Variants in KDM2B observed in about 807,000 individuals in gnomAD.
KDM2B encodes lysine demethylase 2B.
Under a neutral mutation model 150.0 loss-of-function variants are expected in KDM2B, and 26 were observed. The observed-to-expected ratio is 0.17, with a 90% confidence interval of 0.13 to 0.24. The LOEUF (loss-of-function observed/expected upper bound fraction) is 0.24. Ranked by LOEUF, KDM2B falls within the 10% of genes least tolerant of loss-of-function variation. The probability of loss-of-function intolerance (pLI) is 1.00; values close to 1 mark genes in which losing one functional copy is unlikely to be tolerated. For missense variants in KDM2B, 1,265 were observed against 1,816.9 expected, an observed-to-expected ratio of 0.70 and a Z score of 5.52; for synonymous variants, 734 against 729.5, an observed-to-expected ratio of 1.01 and a Z score of -0.10.
At chr12:121,556,057 G>C (rs782360599) in intron 4 of KDM2B, among the ~76,000 whole-genome samples, 1 of 151,944 alleles carries the variant, frequency 6.6e-6, no homozygotes, top group Non-Finnish European at 1.5e-5. Context: ...CTCCCGAGTA[G>C]CTGGGACTAC....
intron 10 of KDM2B, among the ~76,000 whole-genome samples, chr12:121,510,303 T>C (rs1365785617): frequency 1.3e-5 from 2 of 152,184 alleles, no homozygotes; most frequent in African/African-American, 4.8e-5. Flanking sequence ...ATAAAGACAG[T>C]CTTGCTCAGT....
chr12:121,549,845 TCCA>T lies in KDM2B; in HGVS notation c.398-210_398-208del, dbSNP rs879955054. Among the ~76,000 whole-genome samples, 7,360 of 152,228 alleles carry T rather than the reference TCCA, an allele frequency of 0.048. 312 individuals carry two copies. The highest frequency in any genetic ancestry group is 0.15 in the South Asian group (700 of 4,820). The stretch of plus-strand genomic sequence containing the variant: ...CTTGCTTCCCTGCACCACCATGGCC[TCCA>T]CGCCAGTCTGCGATGACCTCAAAAG... On this transcript the variant is annotated intron_variant, in intron 4 of 22. Transcript: ENST00000377071. The surrounding 1 kb of genome is among the most constrained non-coding windows in gnomAD (Gnocchi z 4.4).
chr12:121,580,263 A>G (rs1450088549), intron 1 of KDM2B: 65 of 943,024 alleles, frequency 6.9e-5, no homozygotes, highest in African/African-American at 5.3e-4. Flanking sequence ...GGGGGGGGGG[A>G]GGCGTCGACG....
chr12:121,556,825 C>A (rs1443762592), intron 4 of KDM2B, among the ~76,000 whole-genome samples: 1 of 151,120 alleles, frequency 6.6e-6, no homozygotes, highest in Non-Finnish European at 1.5e-5. Context: ...GCACTCCAAC[C>A]TGGGCGACAG....
intron 22 of KDM2B, among the ~76,000 whole-genome samples, chr12:121,431,007 G>A (rs1872903689): frequency 6.6e-6 from 1 of 152,156 alleles, no homozygotes; most frequent in South Asian, 2.1e-4. Context: ...ACAGCATGAG[G>A]GACAGCTGTT....
At position 121,579,530 on chromosome 12, in the gene KDM2B, TG is replaced by T. The variant is rs1399808231; in HGVS notation, c.127-585del. 8 of 923,050 alleles carry T rather than the reference TG, an allele frequency of 8.7e-6. No individual in the cohort carries two copies. The African/African-American group carries it at 9.5e-5, about 11-fold the overall frequency. 57.2% of individuals were successfully genotyped at this position (923,050 alleles called of 1,614,324 possible). A position where few individuals can be genotyped will look rare whatever the true frequency, so the allele number is the denominator to read the frequency against. On this transcript the variant is annotated intron_variant, in intron 1 of 22. Transcript: ENST00000377071. ...CGCCCGCCAGTGCAAGAAGAGGAGG[TG>T]GGGGGAGGAGAATCGGGGCTTGGAA...
rs782231111 is a variant in KDM2B, at chr12:121,430,423, A to G, written c.3876T>C (p.Cys1292=). ...TDQCLSFFKR[C]GNICHIDLRY... The stretch of plus-strand genomic sequence containing the variant: ...TCAGGTCAATATGACAGATGTTTCC[A>G]CAGCGTTTGAAGAAGGACAGGCACT... The change falls in exon 23 of 23, where the codon TGT becomes TGC. Residue 1292 remains cysteine (C), a synonymous_variant. Transcript: ENST00000377071. The surrounding 1 kb of genome is among the most constrained non-coding windows in gnomAD (Gnocchi z 4.4). 3.1e-6 allele frequency: 5 copies of G among 1,614,044 alleles called. No individual in the cohort carries two copies. The Admixed American group carries it at 8.3e-5, about 27-fold the overall frequency.
chr12:121,463,315 C>CAA (rs201614427), intron 12 of KDM2B, among the ~76,000 whole-genome samples: 1 of 125,434 alleles, frequency 8.0e-6, no homozygotes, highest in East Asian at 2.3e-4. Context: ...GACTCCGTCT[C>CAA]AAAAAAAAAA....
chr12:121,510,618 C>A (rs1272719214), intron 10 of KDM2B, among the ~76,000 whole-genome samples: 1 of 151,898 alleles, frequency 6.6e-6, no homozygotes, highest in Non-Finnish European at 1.5e-5. Flanking sequence ...CACAGTGAAA[C>A]CCCATCTCTA....
intron 12 of KDM2B, among the ~76,000 whole-genome samples, chr12:121,464,822 G>A (rs1555294458): frequency 6.6e-6 from 1 of 152,212 alleles, no homozygotes; most frequent in Non-Finnish European, 1.5e-5. Flanking sequence ...GAGAAGAGCT[G>A]GGTCTGGAGC....
the KDM2B span, among the ~76,000 whole-genome samples, chr12:121,410,337 G>A: frequency 6.6e-6 from 1 of 152,050 alleles, no homozygotes; most frequent in African/African-American, 2.4e-5. Context: ...AGGAGTTCGA[G>A]ACCAGCCTGG....
chr12:121,558,143 C>T (rs1890037012), intron 4 of KDM2B, among the ~76,000 whole-genome samples: 1 of 152,236 alleles, frequency 6.6e-6, no homozygotes. Context: ...GTCTTGATCG[C>T]TACTCTAGTC....
intron 12 of KDM2B, among the ~76,000 whole-genome samples, chr12:121,485,053 G>A (rs1938656467): frequency 6.6e-6 from 1 of 152,080 alleles, no homozygotes; most frequent in South Asian, 2.1e-4. Context: ...CTACCTACAA[G>A]CCAAGGAGAG....
rs1555287822 is a variant in KDM2B, at chr12:121,440,053, C to A, written c.3633G>T (p.Lys1211Asn). Residue 1211 changes from lysine to asparagine, a missense_variant, in exon 22 of 23, where the codon AAG (lysine) becomes AAT (asparagine). By Grantham distance (94) the Lys-to-Asn change is moderately conservative. This residue lies in a region of KDM2B where 251 missense variants were observed against 397.8 expected (regional missense o/e 0.63). Coordinates refer to ENST00000377071, the MANE Select transcript of KDM2B (RefSeq NM_032590.5). ...NRPGQMDNRS[K>N]LRNIVELRLA... is the part of the protein sequence containing the mutation. ...GGCGCAGCTCCACGATGTTCCGGAG[C>A]TTGCTCCGATTGTCCATCTGACCTG... The A allele has an allele frequency of 6.2e-7, 1 of 1,608,952 alleles. No homozygotes were observed. The highest frequency in any genetic ancestry group is 1.1e-5 in the South Asian group (1 of 90,354).
chr12:121,580,115 G>C, intron 1 of KDM2B: 1 of 1,575,490 alleles, frequency 6.3e-7, no homozygotes, highest in African/African-American at 1.4e-5. Context: ...TGGCCGAGGG[G>C]GGAAGGAGGG....
chr12:121,549,682 G>A lies in KDM2B; in HGVS notation c.398-44C>T, dbSNP rs1555311437. 3 of 1,508,906 alleles carry A rather than the reference G, an allele frequency of 2.0e-6. No individual in the cohort carries two copies. The highest frequency in any genetic ancestry group is 2.7e-6 in the Non-Finnish European group (3 of 1,118,388). The allele number at this position is 1,508,906 out of a possible 1,614,324, so 93.5% of individuals were successfully genotyped here. On this transcript the variant is annotated intron_variant, in intron 4 of 22. Coordinates refer to ENST00000377071, the MANE Select transcript of KDM2B (RefSeq NM_032590.5). The surrounding 1 kb of genome is among the most constrained non-coding windows in gnomAD (Gnocchi z 4.4). ...CACTGGTTGTTCCTGCCGGCTTAAG[G>A]CTCCAGATCCTACATGGGAGCCCCT...
chr12:121,432,148 C>A (rs1873157988), intron 22 of KDM2B, among the ~76,000 whole-genome samples: 1 of 152,112 alleles, frequency 6.6e-6, no homozygotes, highest in South Asian at 2.1e-4. Flanking sequence ...TCCCAAAGTG[C>A]TGGGATTATA....
rs1471922968 is a variant in KDM2B, at chr12:121,537,912, C to T, written c.684-3322G>A. 1.7e-4 allele frequency among the ~76,000 whole-genome samples: 26 copies of T among 151,090 alleles called. No homozygotes were observed. Among genetic ancestry groups the T allele is most frequent in the African/African-American group, 5.6e-4 (23 of 41,354 alleles). ...CCCGGGCAGCGCGGCCCGCGGTTAC[C>T]CTCGGCGGCGGCGGCGGCGGCTCCC... On this transcript the variant is annotated intron_variant, in intron 6 of 22. Transcript: ENST00000377071. This position sits in a 1 kb window ranked among gnomAD's most constrained non-coding sequence, Gnocchi z 8.7.
At chr12:121,578,576 G>A (rs1477764748) in intron 2 of KDM2B, among the ~76,000 whole-genome samples, 1 of 152,016 alleles carries the variant, frequency 6.6e-6, no homozygotes, top group African/African-American at 2.4e-5. Flanking sequence ...CCCTGGGGCT[G>A]GTGGTGGGCG....
Sources: allele counts gnomAD v4.1 joint callset (sites outside exome capture counted in the v4.1 genomes callset), GRCh38; gene constraint gnomAD v4.1.1; regional missense constraint gnomAD v4.1.1; non-coding constraint Gnocchi (gnomAD v3.1); transcripts MANE v1.5; gene names NCBI Gene and HGNC (gene_info 2026-07-23, HGNC 2026-07-21).